Variants in EIF4ENIF1 observed in about 807,000 individuals in gnomAD.
EIF4ENIF1 encodes eukaryotic translation initiation factor 4E transporter.
In EIF4ENIF1, 23 loss-of-function variants were observed where a neutral mutation model predicts 110.5. The observed-to-expected ratio is 0.21, with a 90% CI of 0.15 to 0.29. The LOEUF is 0.29. Among genes scored for constraint, EIF4ENIF1 ranks in the 10% least tolerant of loss-of-function variants. The probability of loss-of-function intolerance (pLI) is 1.00; values close to 1 mark genes in which losing one functional copy is unlikely to be tolerated. For synonymous variants in EIF4ENIF1, 440 were observed against 437.0 expected, an observed-to-expected ratio of 1.01 and a Z score of -0.09; for missense variants, 1,031 against 1,221.1, an observed-to-expected ratio of 0.84 and a Z score of 2.32.
At position 31,454,186 on chromosome 22, in the gene EIF4ENIF1, T is replaced by C; in HGVS notation, c.1470A>G (p.Thr490=). ...DMTAFNKLVS[T]MKASGTLPSQ... is the part of the protein sequence containing the mutation. ...AAGGCAAAGTCCCACTTGCCTTCAT[T>C]GTGCTCACTAGCTTGTTGAACGCAG... The change falls in exon 10 of 19, where the codon ACA becomes ACG. Residue 490 remains threonine (T), a synonymous_variant. Coordinates refer to ENST00000330125, the MANE Select transcript of EIF4ENIF1 (RefSeq NM_019843.4). The C allele has an allele frequency of 3.1e-6, 5 of 1,614,214 alleles. No homozygotes were observed. Among genetic ancestry groups the C allele is most frequent in the Non-Finnish European group, 3.4e-6 (4 of 1,180,032 alleles).
intron 7 of EIF4ENIF1, among the ~76,000 whole-genome samples, chr22:31,456,223 C>CT (rs36001621): frequency 0.016 from 2,040 of 131,028 alleles, 50 homozygotes; most frequent in Middle Eastern, 0.064. Flanking sequence ...TTTTTTATTA[C>CT]TTTTTTTTTT....
intron 2 of EIF4ENIF1, among the ~76,000 whole-genome samples, chr22:31,473,037 T>C (rs1024892631): frequency 6.6e-6 from 1 of 152,032 alleles, no homozygotes; most frequent in African/African-American, 2.4e-5. Flanking sequence ...GAAGCCAAGT[T>C]TTTTTGGCTT....
At chr22:31,441,697 T>C in intron 17 of EIF4ENIF1, 77 bp downstream of exon 17, 3 of 1,246,108 alleles carry the variant, frequency 2.4e-6, no homozygotes, top group Non-Finnish European at 3.3e-6. Context: ...TCTCCCACAT[T>C]ATAGCACTTC....
intron 6 of EIF4ENIF1, among the ~76,000 whole-genome samples, chr22:31,461,335 C>T (rs2050988015): frequency 6.6e-6 from 1 of 152,178 alleles, no homozygotes. Context: ...GGCTGCAGAC[C>T]AATGGGCTCC....
chr22:31,444,772 T>TA, intron 14 of EIF4ENIF1, 82 bp from the exon 15 acceptor site: 3 of 1,361,746 alleles, frequency 2.2e-6, no homozygotes, highest in Non-Finnish European at 3.1e-6. Flanking sequence ...AAGACCAGCC[T>TA]AGAAGTTTTA....
intron 14 of EIF4ENIF1, among the ~76,000 whole-genome samples, chr22:31,445,355 TC>T (rs1257247689): frequency 6.6e-6 from 1 of 152,166 alleles, no homozygotes. Flanking sequence ...AAGATTGACC[TC>T]AGGCCTCAAA....
intron 15 of EIF4ENIF1, 100 bp from the exon 16 acceptor site, chr22:31,443,194 C>T: frequency 2.0e-6 from 3 of 1,493,536 alleles, no homozygotes; most frequent in Non-Finnish European, 2.7e-6. Flanking sequence ...AGAGTCCCCA[C>T]ATTGGTAGCA....
chr22:31,463,707 T>C lies in EIF4ENIF1; in HGVS notation c.559A>G (p.Arg187Gly). The change falls in exon 5 of 19, where the codon AGG becomes GGG. Residue 187 changes from arginine to glycine, a missense_variant. Physicochemically the swap from Arg to Gly is moderately radical, Grantham distance 125 (BLOSUM62 -2). Around this residue, in one of 3 missense-constraint regions of EIF4ENIF1, gnomAD observed 704 missense variants for 879.7 expected, o/e 0.80. Transcript: ENST00000330125. ...CTGAAACGCTTGTCCTTGAAGTCCC[T>C]CTCTCGGTCTCTGTCTCTCAAGTCC... ...LRDLRDRDRE[R>G]DFKDKRFRRE... 6.3e-7 allele frequency: 1 copy of C among 1,588,446 alleles called. No homozygotes were observed. Among genetic ancestry groups the C allele is most frequent in the Non-Finnish European group, 8.6e-7 (1 of 1,163,468 alleles).
At chr22:31,464,094 C>T in intron 4 of EIF4ENIF1, 127 bp from the exon 5 acceptor site, 5 of 1,246,772 alleles carry the variant, frequency 4.0e-6, no homozygotes, top group Non-Finnish European at 5.4e-6. Context: ...TAAAATTGGG[C>T]TTATCAGCAG....
chr22:31,460,639 G>A (rs2050961763), intron 6 of EIF4ENIF1, among the ~76,000 whole-genome samples: 1 of 140,408 alleles, frequency 7.1e-6, no homozygotes, highest in South Asian at 2.3e-4. Flanking sequence ...AAAAAAAAAA[G>A]AAAATTAATT....
At chr22:31,453,586 T>C (rs2050737383) in intron 10 of EIF4ENIF1, among the ~76,000 whole-genome samples, 1 of 152,134 alleles carries the variant, frequency 6.6e-6, no homozygotes, top group African/African-American at 2.4e-5. Flanking sequence ...TTGGCCAGGC[T>C]GGTCTCAAAC....
chr22:31,449,271 G>C (rs1489425606), intron 12 of EIF4ENIF1, 77 bp downstream of exon 12: 2 of 1,486,458 alleles, frequency 1.3e-6, no homozygotes, highest in Non-Finnish European at 1.8e-6. Context: ...CGGCCTCCCA[G>C]AGTGCTGGAA....
At chr22:31,449,889 C>T (rs996921548) in intron 11 of EIF4ENIF1, among the ~76,000 whole-genome samples, 1 of 152,020 alleles carries the variant, frequency 6.6e-6, no homozygotes. Context: ...TGCCACCACA[C>T]CAGGCCAATT....
intron 2 of EIF4ENIF1, among the ~76,000 whole-genome samples, chr22:31,487,367 A>C (rs1286357752): frequency 6.6e-6 from 1 of 152,232 alleles, no homozygotes; most frequent in Non-Finnish European, 1.5e-5. Flanking sequence ...CAGTGCTGAA[A>C]ATGAGTATTA....
At chr22:31,440,545 G>A (rs2145884779) in intron 18 of EIF4ENIF1, among the ~76,000 whole-genome samples, 159 bp downstream of exon 18, 1 of 152,328 alleles carries the variant, frequency 6.6e-6, no homozygotes, top group South Asian at 2.1e-4. Context: ...TTGCATAGAG[G>A]TCAATTTACT....
At chr22:31,490,714 G>A (rs2052246930), upstream of EIF4ENIF1, among the ~76,000 whole-genome samples, 2 of 152,268 alleles carry the variant, frequency 1.3e-5, no homozygotes, top group South Asian at 2.1e-4. Context: ...GAGCAGTGTG[G>A]GTAACTGCAT....
chr22:31,463,273 T>TC (rs1211814963), intron 5 of EIF4ENIF1, 140 bp from the exon 6 acceptor site: 2 of 753,348 alleles, frequency 2.7e-6, no homozygotes, highest in Admixed American at 2.8e-5. Flanking sequence ...CCCCACCCCT[T>TC]CCTCCCTGAC....
intron 3 of EIF4ENIF1, among the ~76,000 whole-genome samples, chr22:31,470,362 C>A (rs1043384508): frequency 1.3e-5 from 2 of 151,460 alleles, no homozygotes; most frequent in African/African-American, 4.8e-5. Context: ...ATCAACGCAA[C>A]CTCCACCTCC....
chr22:31,456,995 G>A (rs1452380436), intron 7 of EIF4ENIF1, among the ~76,000 whole-genome samples: 3 of 152,206 alleles, frequency 2.0e-5, no homozygotes, highest in Admixed American at 2.0e-4. Context: ...GGGAACTGAT[G>A]AAAGAAAACC....
Sources: gnomAD v4.1 joint callset for allele counts (sites outside exome capture counted in the v4.1 genomes callset) on GRCh38, gnomAD v4.1.1 for gene constraint, gnomAD v4.1.1 regional missense constraint, MANE v1.5 for transcripts, NCBI Gene and HGNC (gene_info 2026-07-23, HGNC 2026-07-21) for gene names.